Variants in ADGRV1 observed in about 807,000 individuals in gnomAD.
ADGRV1 encodes the protein adhesion G protein-coupled receptor V1.
A neutral mutation model predicts 596.2 loss-of-function variants in ADGRV1; 359 were observed. The ratio of observed to expected loss-of-function variants is 0.60; its 90% CI spans 0.55 to 0.66. The LOEUF (loss-of-function observed/expected upper bound fraction) is 0.66. Among genes scored for constraint, ADGRV1 ranks in the 30% least tolerant of loss-of-function variants. ADGRV1 has a pLI of 0.00. For synonymous variants in ADGRV1, 2,681 were observed against 2,679.2 expected (o/e 1.00, Z -0.02); for missense variants, 7,274 against 7,575.6 (o/e 0.96, Z 1.48).
At chr5:90,896,834 A>T (rs896522544) in intron 83 of ADGRV1, among the ~76,000 whole-genome samples, 1 of 152,228 alleles carries the variant, frequency 6.6e-6, no homozygotes, top group African/African-American at 2.4e-5. Context: ...TAGCCTTATC[A>T]TGAACTCCTT....
chr5:90,783,042 A>T, intron 65 of ADGRV1, 82 bp from the exon 66 acceptor site: 1 of 1,087,934 alleles, frequency 9.2e-7, no homozygotes, highest in African/African-American at 1.6e-5. Flanking sequence ...CATTATGTTT[A>T]ATTGCCAGGT....
At position 90,621,470 on chromosome 5, in the gene ADGRV1, G is replaced by A. The variant is rs145678506; in HGVS notation, c.454-1127G>A. Reference sequence around the variant, plus strand: ...AATCAACCATCTCTTTTATTTGAATGATAAGGAATTGAATGATAAAGAATT... The same window carrying A: ...AATCAACCATCTCTTTTATTTGAATAATAAGGAATTGAATGATAAAGAATT... On this transcript the variant is annotated intron_variant, in intron 4 of 89. Transcript: ENST00000405460. Among the ~76,000 whole-genome samples, 1,131 of 152,280 alleles carry A rather than the reference G, an allele frequency of 7.4e-3. 4 individuals carry two copies. Among genetic ancestry groups the A allele is most frequent in the South Asian group, 0.027 (132 of 4,828 alleles).
At chr5:90,965,621 A>G in intron 84 of ADGRV1, 90 bp downstream of exon 84, 2 of 670,158 alleles carry the variant, frequency 3.0e-6, no homozygotes, top group Non-Finnish European at 2.6e-6. Context: ...GTACTGAAGT[A>G]GAAGTAATTC....
At chr5:90,596,365 G>A (rs367801976) in intron 1 of ADGRV1, among the ~76,000 whole-genome samples, 4 of 151,566 alleles carry the variant, frequency 2.6e-5, no homozygotes, top group Non-Finnish European at 5.9e-5. Context: ...AGGCAGAGAC[G>A]CTCCTCACTT....
intron 84 of ADGRV1, among the ~76,000 whole-genome samples, chr5:90,973,230 AG>A (rs1431305479): frequency 6.6e-6 from 1 of 152,196 alleles, no homozygotes; most frequent in Non-Finnish European, 1.5e-5. Flanking sequence ...AACCAAAAAA[AG>A]TCCAGGACCA....
chr5:90,882,368 A>G (rs975035728), intron 83 of ADGRV1, among the ~76,000 whole-genome samples: 2 of 152,168 alleles, frequency 1.3e-5, no homozygotes, highest in African/African-American at 4.8e-5. Context: ...CTTAAGACCC[A>G]TGTCTTTTAC....
chr5:91,128,096 T>A (rs927728045), intron 87 of ADGRV1, among the ~76,000 whole-genome samples: 9 of 151,532 alleles, frequency 5.9e-5, no homozygotes, highest in African/African-American at 2.2e-4. Flanking sequence ...TGCCCTCCCC[T>A]CCCTCTCTCT....
intron 49 of ADGRV1, 122 bp downstream of exon 49, chr5:90,729,055 G>C: frequency 1.5e-6 from 1 of 675,152 alleles, no homozygotes; most frequent in Non-Finnish European, 2.4e-6. Context: ...AATATTTCTT[G>C]ATAGATAAGT....
chr5:91,119,014 A>G (rs896555411), intron 87 of ADGRV1, among the ~76,000 whole-genome samples: 10 of 152,104 alleles, frequency 6.6e-5, no homozygotes, highest in Admixed American at 6.6e-5. Context: ...ATTCTCATAC[A>G]TTCACAGCTC....
chr5:90,994,711 C>T (rs1190330160), intron 85 of ADGRV1, among the ~76,000 whole-genome samples: 1 of 152,100 alleles, frequency 6.6e-6, no homozygotes, highest in East Asian at 1.9e-4. Flanking sequence ...TGTTTCTGTT[C>T]ACAGTAGTAG....
In ADGRV1 at chr5:90,783,980, T is replaced by G; in HGVS notation, c.13576T>G (p.Ser4526Ala). ...AAGGTTTCTCAATCAAAGCAAAATT[T>G]CTATTGCTAATCCCAATTCCACAAT... is the stretch of plus-strand genomic sequence containing the variant. ...VIRFLNQSKISIANPNSTMIL... is the reference protein window; with the variant it reads ...VIRFLNQSKIAIANPNSTMIL... The change falls in exon 67 of 90, where the codon TCT (serine) becomes GCT (alanine). Residue 4526 changes from serine to alanine, a missense_variant. This residue lies in a region of ADGRV1 where 3,643 missense variants were observed against 3,809.2 expected (regional missense o/e 0.96). Coordinates refer to ENST00000405460, the MANE Select transcript of ADGRV1 (RefSeq NM_032119.4). 1 of 1,612,682 alleles carries G rather than the reference T, an allele frequency of 6.2e-7. No homozygotes were observed. Among genetic ancestry groups the G allele is most frequent in the Non-Finnish European group, 8.5e-7 (1 of 1,179,314 alleles).
In ADGRV1 at chr5:90,965,453, C is replaced by T. The variant is rs775411313; in HGVS notation, c.17895C>T (p.Leu5965=). ...FLASAYASPQ[L]AEESCSAMAA... is the part of the protein sequence containing the mutation. ...CGTCTGCATACGCAAGTCCCCAACTCGCTGAGGAGAGCTGTTCAGCTATGG... is the reference window on the plus strand; with the variant it reads ...CGTCTGCATACGCAAGTCCCCAACTTGCTGAGGAGAGCTGTTCAGCTATGG... Residue 5965 remains leucine (L), a synonymous_variant, in exon 84 of 90, where the codon CTC becomes CTT. Transcript: ENST00000405460. The T allele has an allele frequency of 9.9e-5, 160 of 1,613,570 alleles. No homozygotes were observed. The highest frequency in any genetic ancestry group is 1.4e-4 in the Non-Finnish European group (160 of 1,179,596).
chr5:90,989,221 C>T (rs1444723573), intron 85 of ADGRV1, among the ~76,000 whole-genome samples: 1 of 152,074 alleles, frequency 6.6e-6, no homozygotes, highest in Admixed American at 6.5e-5. Context: ...ATCACACTGA[C>T]TTCCACAATG....
At chr5:91,043,694 C>G (rs929645911) in intron 85 of ADGRV1, among the ~76,000 whole-genome samples, 1 of 151,944 alleles carries the variant, frequency 6.6e-6, no homozygotes, top group East Asian at 1.9e-4. Context: ...GAGTGCTTAG[C>G]ACTTAGTGGG....
rs1393866737 is a variant in ADGRV1, at chr5:90,778,941, C to T, written c.12926C>T (p.Ala4309Val). The stretch of plus-strand genomic sequence containing the variant: ...TGGTACAAGACGATGAGCGGGACAG[C>T]GGAAGCAGGCTTGGATTTTGTTCCT... ...RLWYKTMSGTAEAGLDFVPAA... is the reference protein window; with the variant it reads ...RLWYKTMSGTVEAGLDFVPAA... Residue 4309 changes from alanine to valine, a missense_variant, in exon 64 of 90, where the codon GCG (alanine) becomes GTG (valine). Ala to Val is a moderately conservative substitution (Grantham distance 64, BLOSUM62 0). Coordinates refer to ENST00000405460, the MANE Select transcript of ADGRV1 (RefSeq NM_032119.4). 2 of 1,613,442 alleles carry T rather than the reference C, an allele frequency of 1.2e-6. No homozygotes were observed. The highest frequency in any genetic ancestry group is 1.3e-5 in the African/African-American group (1 of 74,982).
chr5:90,976,348 A>ATATATATATG (rs1325293370), intron 84 of ADGRV1, among the ~76,000 whole-genome samples: 4 of 141,472 alleles, frequency 2.8e-5, no homozygotes, highest in African/African-American at 1.0e-4. Context: ...ATATATATAT[A>ATATATATATG]TGTATATGTA....
At chr5:90,822,612 G>A (rs1479979784) in intron 75 of ADGRV1, among the ~76,000 whole-genome samples, 1 of 152,178 alleles carries the variant, frequency 6.6e-6, no homozygotes, top group Non-Finnish European at 1.5e-5. Context: ...GGCGATGCGG[G>A]CTCTTTTTTG....
At chr5:90,635,394 C>A in intron 10 of ADGRV1, 104 bp downstream of exon 10, 2 of 1,021,344 alleles carry the variant, frequency 2.0e-6, no homozygotes, top group Non-Finnish European at 1.4e-6. Flanking sequence ...TCTTAAAAAG[C>A]TTCAGCATGT....
chr5:90,652,531 A>T lies in ADGRV1; in HGVS notation c.3602A>T (p.Glu1201Val). The T allele has an allele frequency of 1.2e-6, 2 of 1,611,500 alleles. No homozygotes were observed. The highest frequency in any genetic ancestry group is 1.7e-6 in the Non-Finnish European group (2 of 1,178,304). Residue 1201 changes from glutamate to valine, a missense_variant, in exon 19 of 90, where the codon GAA becomes GTA. Physicochemically the swap from Glu to Val is moderately radical, Grantham distance 121. This residue lies in a region of ADGRV1 where 1,715 missense variants were observed against 1,708.8 expected (regional missense o/e 1.00). Transcript: ENST00000405460. ...CCAGATAAAATTCCTGAATTCAATG[A>T]ATTTTATTTCCTAAAACTTGTAAAC... Reference protein sequence around the residue: ...AFPDKIPEFNEFYFLKLVNIS... With the variant: ...AFPDKIPEFNVFYFLKLVNIS...
Sources: allele counts gnomAD v4.1 joint callset (sites outside exome capture counted in the v4.1 genomes callset), GRCh38; gene constraint gnomAD v4.1.1; regional missense constraint gnomAD v4.1.1; transcripts MANE v1.5; gene names NCBI Gene and HGNC (gene_info 2026-07-23, HGNC 2026-07-21).